NHSL3: variants seen among roughly 807,000 people sequenced by gnomAD.
NHSL3 encodes NHS-like protein 3.
At chr1:32,760,614 C>T in the NHSL3 span, among the ~76,000 whole-genome samples, 21 of 149,064 alleles carry the variant, frequency 1.4e-4, no homozygotes, top group South Asian at 2.8e-3. Context: ...TGTTTGAGAC[C>T]GAGTGTCACT....
chr1:32,770,616 GAGC>G, the NHSL3 span: 1 of 1,516,106 alleles, frequency 6.6e-7, no homozygotes, highest in South Asian at 1.3e-5. The surrounding 1 kb of genome is among the most constrained non-coding windows in gnomAD (Gnocchi z 8.3). Flanking sequence ...TCAGCATTCG[GAGC>G]AGTGGGCAGT....
the NHSL3 span, among the ~76,000 whole-genome samples, chr1:32,749,061 TA>T: frequency 6.6e-5 from 10 of 151,900 alleles, no homozygotes. Flanking sequence ...AGTGTGTGTA[TA>T]GGGGGGAAAA....
the NHSL3 span, among the ~76,000 whole-genome samples, chr1:32,757,589 C>G: frequency 6.6e-6 from 1 of 152,196 alleles, no homozygotes; most frequent in Middle Eastern, 3.4e-3. Flanking sequence ...GGCTGCTTGG[C>G]TGGGAGATGG....
At chr1:32,772,143 C>A in the NHSL3 span, 1 of 1,613,380 alleles carries the variant, frequency 6.2e-7, no homozygotes, top group Non-Finnish European at 8.5e-7. Flanking sequence ...GGCCCGTGTC[C>A]CCTGAGACCC....
chr1:32,745,557 C>CAAA, the NHSL3 span, among the ~76,000 whole-genome samples: 1 of 91,420 alleles, frequency 1.1e-5, no homozygotes, highest in Non-Finnish European at 2.3e-5. Flanking sequence ...GACTAGGTCT[C>CAAA]AAAAAAAAAA....
the NHSL3 span, chr1:32,771,735 G>A: frequency 6.2e-7 from 1 of 1,613,722 alleles, no homozygotes; most frequent in Non-Finnish European, 8.5e-7. Flanking sequence ...CAGGGCATGT[G>A]GCCAAGCTCC....
At chr1:32,766,930 GGGGATACCT>G in the NHSL3 span, among the ~76,000 whole-genome samples, 2 of 152,114 alleles carry the variant, frequency 1.3e-5, no homozygotes, top group African/African-American at 2.4e-5. Flanking sequence ...TCCAGGAGAG[GGGGATACCT>G]GGGACTATTT....
At chr1:32,771,781 G>A in the NHSL3 span, 1 of 1,613,482 alleles carries the variant, frequency 6.2e-7, no homozygotes, top group East Asian at 2.2e-5. Context: ...CAAGGGTGGT[G>A]GGCCTCCCAG....
the NHSL3 span, chr1:32,770,830 C>T: frequency 6.2e-7 from 1 of 1,604,594 alleles, no homozygotes; most frequent in Non-Finnish European, 8.5e-7. The surrounding 1 kb of genome is among the most constrained non-coding windows in gnomAD (Gnocchi z 8.3). Flanking sequence ...AGCACCCTGT[C>T]CACCCAACCC....
At chr1:32,753,112 G>A in the NHSL3 span, among the ~76,000 whole-genome samples, 1 of 151,382 alleles carries the variant, frequency 6.6e-6, no homozygotes, top group South Asian at 2.1e-4. Context: ...GGGATTACAG[G>A]CATGTGCCAC....
the NHSL3 span, chr1:32,768,172 C>A: frequency 8.4e-7 from 1 of 1,196,746 alleles, no homozygotes; most frequent in Non-Finnish European, 1.2e-6. Context: ...TGACCCCTGG[C>A]AAGGATGTCT....
At chr1:32,751,950 T>C in the NHSL3 span, among the ~76,000 whole-genome samples, 2 of 152,174 alleles carry the variant, frequency 1.3e-5, no homozygotes, top group East Asian at 3.8e-4. Flanking sequence ...ATACCTGTCC[T>C]CACTTAATTC....
chr1:32,767,903 C>G, the NHSL3 span: 1 of 1,614,092 alleles, frequency 6.2e-7, no homozygotes, highest in East Asian at 2.2e-5. Context: ...ACCCCCCCAC[C>G]TGGAAGAGCT....
the NHSL3 span, among the ~76,000 whole-genome samples, chr1:32,745,312 C>T: frequency 6.6e-6 from 1 of 152,014 alleles, no homozygotes; most frequent in Non-Finnish European, 1.5e-5. Flanking sequence ...GTAATCCCAG[C>T]ACTTTGGGAG....
the NHSL3 span, among the ~76,000 whole-genome samples, chr1:32,767,282 A>G: frequency 6.6e-6 from 1 of 152,096 alleles, no homozygotes; most frequent in East Asian, 1.9e-4. Flanking sequence ...TATACTCGGG[A>G]TGTTTTTTGT....
the NHSL3 span, among the ~76,000 whole-genome samples, chr1:32,760,616 A>T: frequency 7.0e-6 from 1 of 142,074 alleles, no homozygotes; most frequent in African/African-American, 2.7e-5. Flanking sequence ...TTTGAGACCG[A>T]GTGTCACTCT....
At chr1:32,747,598 C>G in the NHSL3 span, among the ~76,000 whole-genome samples, 1 of 152,090 alleles carries the variant, frequency 6.6e-6, no homozygotes, top group South Asian at 2.1e-4. Context: ...GAGCTGTGTC[C>G]AGGAAAGGAG....
chr1:32,752,578 A>C, the NHSL3 span, among the ~76,000 whole-genome samples: 1 of 152,034 alleles, frequency 6.6e-6, no homozygotes, highest in Admixed American at 6.6e-5. Flanking sequence ...GCAGCCTAGA[A>C]GGCTTTTCTT....
chr1:32,742,081 G>A, the NHSL3 span: 1 of 1,257,672 alleles, frequency 8.0e-7, no homozygotes, highest in South Asian at 3.0e-5. Flanking sequence ...CTGGCTGCGG[G>A]GCAAGCGGCG....
Sources: allele counts gnomAD v4.1 joint callset (sites outside exome capture counted in the v4.1 genomes callset), GRCh38; gene constraint gnomAD v4.1.1; non-coding constraint Gnocchi (gnomAD v3.1); transcripts MANE v1.5; gene names NCBI Gene and HGNC (gene_info 2026-07-23, HGNC 2026-07-21).